ALDH18A1: variants seen among roughly 807,000 people sequenced by gnomAD.
The protein encoded by ALDH18A1 is delta-1-pyrroline-5-carboxylate synthase.
A neutral mutation model predicts 88.8 loss-of-function variants in ALDH18A1; 44 were observed. The observed-to-expected ratio is 0.50, with a 90% confidence interval of 0.39 to 0.64. ALDH18A1 has a LOEUF of 0.64. Among genes scored for constraint, ALDH18A1 ranks in the 30% least tolerant of loss-of-function variants. The pLI, the probability that ALDH18A1 is intolerant of heterozygous loss-of-function variation, is 0.00. For missense variants in ALDH18A1, 782 were observed against 1,009.5 expected, an observed-to-expected ratio of 0.77 and a Z score of 3.05; for synonymous variants, 331 against 372.1, an observed-to-expected ratio of 0.89 and a Z score of 1.27.
At chr10:95,650,903 G>A (rs1344931484) in intron 2 of ALDH18A1, among the ~76,000 whole-genome samples, 2 of 152,182 alleles carry the variant, frequency 1.3e-5, no homozygotes, top group East Asian at 1.9e-4. Flanking sequence ...GGAGGCTGAG[G>A]TGGGGGGATC....
chr10:95,631,446 A>AT (rs1757623185), intron 7 of ALDH18A1, among the ~76,000 whole-genome samples: 1 of 152,174 alleles, frequency 6.6e-6, no homozygotes, highest in African/African-American at 2.4e-5. Context: ...AAAAAGGCAG[A>AT]TAAAAACAAC....
chr10:95,645,517 A>G (rs2097899835), intron 2 of ALDH18A1, among the ~76,000 whole-genome samples: 1 of 152,118 alleles, frequency 6.6e-6, no homozygotes, highest in Admixed American at 6.6e-5. Flanking sequence ...GCAGGACCTT[A>G]TTCTCATGAA....
intron 17 of ALDH18A1, among the ~76,000 whole-genome samples, chr10:95,609,767 C>CTT (rs1193875091): frequency 3.3e-5 from 1 of 30,698 alleles, no homozygotes; most frequent in Non-Finnish European, 8.8e-5. Context: ...AAGTCTGTCT[C>CTT]TATTTTTTTT....
At chr10:95,619,501 C>T (rs1224108318) in intron 12 of ALDH18A1, among the ~76,000 whole-genome samples, 3 of 152,148 alleles carry the variant, frequency 2.0e-5, no homozygotes, top group Non-Finnish European at 4.4e-5. Context: ...GCAAAAAGAA[C>T]AAAGCTGGAG....
intron 3 of ALDH18A1, among the ~76,000 whole-genome samples, chr10:95,641,854 C>T (rs906807858): frequency 6.6e-6 from 1 of 151,872 alleles, no homozygotes; most frequent in African/African-American, 2.4e-5. Flanking sequence ...GTGGCTTAGG[C>T]TGGTCTCGAA....
chr10:95,616,649 G>GACAA, intron 12 of ALDH18A1, 35 bp from the exon 13 acceptor site: 1 of 1,589,438 alleles, frequency 6.3e-7, no homozygotes, highest in Non-Finnish European at 8.6e-7. Context: ...GATCAAAGGA[G>GACAA]ACAAACAGTA....
At position 95,633,664 on chromosome 10, in the gene ALDH18A1, T is replaced by C. The variant is rs2097874949; in HGVS notation, c.559-15A>G. 4 of 1,613,624 alleles carry C rather than the reference T, an allele frequency of 2.5e-6. No homozygotes were observed. Among genetic ancestry groups the C allele is most frequent in the East Asian group, 4.5e-5 (2 of 44,888 alleles). Reference sequence around the variant, plus strand: ...GTCACCAAAATCTAAAAGGATTAAATAGATGGAAAATGCATGAGGGAGAAA... The same window carrying C: ...GTCACCAAAATCTAAAAGGATTAAACAGATGGAAAATGCATGAGGGAGAAA... On this transcript the variant is annotated splice_polypyrimidine_tract_variant and intron_variant, in intron 5 of 17. Transcript: ENST00000371224.
chr10:95,617,242 G>A (rs948465801), intron 12 of ALDH18A1, among the ~76,000 whole-genome samples: 11 of 152,292 alleles, frequency 7.2e-5, no homozygotes, highest in Middle Eastern at 3.4e-3. Flanking sequence ...GTGAGACTCC[G>A]TCGCAAACAA....
chr10:95,649,012 C>T (rs1411492104), intron 2 of ALDH18A1, among the ~76,000 whole-genome samples: 4 of 152,178 alleles, frequency 2.6e-5, no homozygotes, highest in African/African-American at 9.7e-5. Flanking sequence ...ATTTTTCTGT[C>T]TAATGACAAG....
chr10:95,645,802 G>T (rs1033944955), intron 2 of ALDH18A1, among the ~76,000 whole-genome samples: 1 of 151,970 alleles, frequency 6.6e-6, no homozygotes, highest in Non-Finnish European at 1.5e-5. Flanking sequence ...ACAGGTGCAC[G>T]GTCTCTTCCT....
chr10:95,630,717 G>T (rs1472689922), intron 7 of ALDH18A1, among the ~76,000 whole-genome samples: 1 of 152,006 alleles, frequency 6.6e-6, no homozygotes, highest in African/African-American at 2.4e-5. Flanking sequence ...TCTCAGGGGG[G>T]TGGGGAGAAT....
At chr10:95,606,988 G>A in intron 17 of ALDH18A1, 45 bp from the exon 18 acceptor site, 1 of 1,603,428 alleles carries the variant, frequency 6.2e-7, no homozygotes, top group Non-Finnish European at 8.5e-7. Context: ...CCCAGCCTCT[G>A]CTTCCTGTCC....
At chr10:95,651,490 G>T (rs1230734238) in intron 2 of ALDH18A1, among the ~76,000 whole-genome samples, 1 of 152,188 alleles carries the variant, frequency 6.6e-6, no homozygotes. Context: ...AAAGAAAAGA[G>T]GTTTAACTGG....
chr10:95,622,837 C>G (rs1407968748), intron 11 of ALDH18A1, among the ~76,000 whole-genome samples: 1 of 152,042 alleles, frequency 6.6e-6, no homozygotes, highest in East Asian at 1.9e-4. Flanking sequence ...GCACCCGGCC[C>G]AGAATTTTTT....
rs373488364 is a variant in ALDH18A1, at chr10:95,626,693, AGG to A, written c.1152+8_1152+9del. Reference sequence around the variant, plus strand: ...AAAACTATAACAATATTATCACCTAAGGTTATTACCTGCTCAGGTTCCAAGGT... The same window carrying A: ...AAAACTATAACAATATTATCACCTAATTATTACCTGCTCAGGTTCCAAGGT... On this transcript the variant is annotated splice_region_variant and intron_variant, in intron 10 of 17. Coordinates refer to ENST00000371224, the MANE Select transcript of ALDH18A1 (RefSeq NM_002860.4). The A allele has an allele frequency of 1.8e-5, 29 of 1,613,612 alleles. No individual in the cohort carries two copies. In the African/African-American group the frequency reaches 3.5e-4, roughly 19 times the overall value.
intron 12 of ALDH18A1, among the ~76,000 whole-genome samples, chr10:95,618,986 G>T (rs1347966922): frequency 6.6e-6 from 1 of 152,160 alleles, no homozygotes; most frequent in Non-Finnish European, 1.5e-5. Context: ...ATTACCTCAA[G>T]AACAACCTGA....
intron 15 of ALDH18A1, among the ~76,000 whole-genome samples, chr10:95,611,990 A>G (rs1043019747): frequency 1.3e-5 from 2 of 152,114 alleles, no homozygotes; most frequent in African/African-American, 2.4e-5. Context: ...AAAAGAATAA[A>G]AAAGAATGTG....
chr10:95,637,533 C>T (rs2097883181), intron 3 of ALDH18A1, 97 bp from the exon 4 acceptor site: 2 of 1,446,644 alleles, frequency 1.4e-6, no homozygotes, highest in Admixed American at 3.7e-5. Context: ...CGAGTAGATC[C>T]CAAATGCTGG....
intron 16 of ALDH18A1, 132 bp from the exon 17 acceptor site, chr10:95,610,424 T>A: frequency 1.3e-6 from 1 of 764,792 alleles, no homozygotes; most frequent in South Asian, 1.5e-5. Context: ...TTCTCACGTA[T>A]TAAATACTCA....
Sources: gnomAD v4.1 joint callset for allele counts (sites outside exome capture counted in the v4.1 genomes callset) on GRCh38, gnomAD v4.1.1 for gene constraint, MANE v1.5 for transcripts, NCBI Gene and HGNC (gene_info 2026-07-23, HGNC 2026-07-21) for gene names.